Variants in FYB1 observed in about 807,000 individuals in gnomAD.
The protein encoded by FYB1 is FYN binding protein 1.
A neutral mutation model predicts 94.1 loss-of-function variants in FYB1; 41 were observed. That is an observed-to-expected ratio of 0.44 (90% CI 0.34 to 0.57). FYB1 has a LOEUF of 0.57. Ranked by LOEUF, FYB1 falls within the 20% of genes least tolerant of loss-of-function variation. The pLI is 0.02. For missense variants in FYB1, 1,050 were observed against 976.8 expected (o/e 1.07, Z -1.00); for synonymous variants, 367 against 353.2 (o/e 1.04, Z -0.44).
At chr5:39,121,183 CAAAA>C (rs56376626) in intron 14 of FYB1, among the ~76,000 whole-genome samples, 9 of 57,658 alleles carry the variant, frequency 1.6e-4, no homozygotes, top group Admixed American at 6.8e-4. Context: ...TAATGTAAAG[CAAAA>C]AAAAAAAAAA....
chr5:39,206,188 G>C (rs1307659647), intron 1 of FYB1, among the ~76,000 whole-genome samples: 4 of 152,168 alleles, frequency 2.6e-5, no homozygotes, highest in African/African-American at 4.8e-5. Flanking sequence ...GAAAGAAAGA[G>C]CAACATGTTC....
intron 3 of FYB1, among the ~76,000 whole-genome samples, chr5:39,141,726 G>A (rs1346888726): frequency 6.6e-6 from 1 of 152,020 alleles, no homozygotes; most frequent in Non-Finnish European, 1.5e-5. Context: ...CAAAAAATTA[G>A]CCTGGCATGG....
At chr5:39,249,638 GA>G (rs1751632214) in intron 1 of FYB1, among the ~76,000 whole-genome samples, 1 of 152,088 alleles carries the variant, frequency 6.6e-6, no homozygotes, top group Non-Finnish European at 1.5e-5. Context: ...CCTAAATTCT[GA>G]AAAAAGCCTA....
chr5:39,192,813 G>A (rs190195024), intron 2 of FYB1, among the ~76,000 whole-genome samples: 13 of 152,348 alleles, frequency 8.5e-5, no homozygotes, highest in Admixed American at 7.2e-4. Flanking sequence ...GTCAAATTGA[G>A]TGTGCAGCAG....
At chr5:39,194,776 G>A (rs923512661) in intron 2 of FYB1, among the ~76,000 whole-genome samples, 4 of 152,152 alleles carry the variant, frequency 2.6e-5, no homozygotes, top group Admixed American at 1.3e-4. Flanking sequence ...GAGGCATTTC[G>A]ATTATGGGGT....
intron 13 of FYB1, among the ~76,000 whole-genome samples, 183 bp downstream of exon 13, chr5:39,124,070 C>T (rs1262761999): frequency 1.3e-5 from 2 of 152,046 alleles, no homozygotes; most frequent in African/African-American, 4.8e-5. Context: ...TTTAATTTTT[C>T]TCATCTTGCT....
intron 1 of FYB1, among the ~76,000 whole-genome samples, chr5:39,249,838 T>C (rs1391713410): frequency 6.6e-6 from 1 of 152,158 alleles, no homozygotes. Flanking sequence ...AGCAAAGAGT[T>C]AGTAGCTAAT....
chr5:39,228,492 T>C (rs1357987292), intron 1 of FYB1, among the ~76,000 whole-genome samples: 3 of 150,654 alleles, frequency 2.0e-5, no homozygotes, highest in Admixed American at 6.6e-5. Flanking sequence ...TTTTGTACCA[T>C]GGACATGCCA....
Position 39,261,372 on chromosome 5 carries a change from A to AC in FYB1, c.-28+13030_-28+13031insG, listed in dbSNP as rs1561315947. ...CACACACACACACACACACACACAC[A>AC]AAGAAATTGTTAGACAGCAGGCAAG... On this transcript the variant is annotated intron_variant, in intron 1 of 1. Coordinates refer to the FYB1 transcript ENST00000510188. Among the ~76,000 whole-genome samples the AC allele has an allele frequency of 6.6e-5, 10 of 150,772 alleles. No individual in the cohort carries two copies. In the South Asian group the frequency reaches 8.5e-4, roughly 13 times the overall value.
chr5:39,166,361 A>T (rs1036781503), intron 2 of FYB1, among the ~76,000 whole-genome samples: 2 of 151,876 alleles, frequency 1.3e-5, no homozygotes, highest in African/African-American at 4.8e-5. Flanking sequence ...GCTTGAACCC[A>T]GGAGGTGGAG....
At chr5:39,270,679 G>T in intron 1 of FYB1, 1 of 1,105,146 alleles carries the variant, frequency 9.0e-7, no homozygotes, top group Non-Finnish European at 1.3e-6. Flanking sequence ...CCTTTTCTGA[G>T]CTGTGTGGTC....
chr5:39,237,157 G>C (rs901542537), intron 1 of FYB1, among the ~76,000 whole-genome samples: 1 of 152,024 alleles, frequency 6.6e-6, no homozygotes, highest in Non-Finnish European at 1.5e-5. Flanking sequence ...ACTGTCATTG[G>C]TAACTGGAAA....
chr5:39,183,524 G>A (rs1364405501), intron 2 of FYB1, among the ~76,000 whole-genome samples: 1 of 152,138 alleles, frequency 6.6e-6, no homozygotes, highest in Non-Finnish European at 1.5e-5. Context: ...GCTAGCTCTA[G>A]TATCACTTGA....
intron 4 of FYB1, among the ~76,000 whole-genome samples, chr5:39,140,644 T>C (rs1041373561): frequency 2.6e-5 from 4 of 152,174 alleles, no homozygotes; most frequent in Admixed American, 2.6e-4. Context: ...GTGTATTGCA[T>C]TGTTGTTTGT....
intron 1 of FYB1, among the ~76,000 whole-genome samples, chr5:39,266,248 A>G (rs910987977): frequency 6.6e-6 from 1 of 152,194 alleles, no homozygotes; most frequent in African/African-American, 2.4e-5. Context: ...AAAATCTAGA[A>G]TCACACTATG....
intron 6 of FYB1, chr5:39,138,326 G>A (rs934756867): frequency 6.0e-5 from 12 of 201,058 alleles, no homozygotes; most frequent in Non-Finnish European, 1.1e-4. Context: ...CTCTGTTCAG[G>A]TGAAGAAGGC....
intron 1 of FYB1, among the ~76,000 whole-genome samples, chr5:39,242,872 G>T (rs536810748): frequency 6.6e-6 from 1 of 152,228 alleles, no homozygotes; most frequent in African/African-American, 2.4e-5. Context: ...GTTTTGATTT[G>T]CATTTCTCTG....
In FYB1 at chr5:39,258,316, C is replaced by T. The variant is rs559480477; in HGVS notation, c.-28+16087G>A. On this transcript the variant is annotated intron_variant, in intron 1 of 1. Transcript: ENST00000510188. ...GAAAAGAGAAACGAAAGATATGAAG[C>T]TAGCCGGGCGTGGTGGCTCACACCT... 8.6e-4 allele frequency among the ~76,000 whole-genome samples: 131 copies of T among 152,192 alleles called. 3 individuals are homozygous for T. The highest frequency in any genetic ancestry group is 3.0e-3 in the African/African-American group (123 of 41,540).
At chr5:39,184,506 A>G (rs1348295260) in intron 2 of FYB1, among the ~76,000 whole-genome samples, 2 of 152,186 alleles carry the variant, frequency 1.3e-5, no homozygotes, top group Non-Finnish European at 2.9e-5. Flanking sequence ...ATACTCACAG[A>G]CTACAAAAAG....
Sources: gnomAD v4.1 joint callset for allele counts (sites outside exome capture counted in the v4.1 genomes callset) on GRCh38, gnomAD v4.1.1 for gene constraint, MANE v1.5 for transcripts, NCBI Gene and HGNC (gene_info 2026-07-23, HGNC 2026-07-21) for gene names.